RHOJ: variants seen among roughly 807,000 people sequenced by gnomAD.
The protein encoded by RHOJ is rho-related GTP-binding protein RhoJ.
A neutral mutation model predicts 23.4 loss-of-function variants in RHOJ; 11 were observed. That is an observed-to-expected ratio of 0.47 (90% CI 0.30 to 0.78). RHOJ has a LOEUF of 0.78. Among genes scored for constraint, RHOJ ranks in the 30% least tolerant of loss-of-function variants. The pLI is 0.08. For missense variants in RHOJ, 254 were observed against 273.4 expected (o/e 0.93, Z 0.50); for synonymous variants, 102 against 102.7 (o/e 0.99, Z 0.04).
chr14:63,274,439 T>C (rs1025561824), intron 2 of RHOJ, among the ~76,000 whole-genome samples: 4 of 152,140 alleles, frequency 2.6e-5, no homozygotes, highest in African/African-American at 4.8e-5. Flanking sequence ...AAAAGAGAGC[T>C]GTAGGAACAC....
At chr14:63,214,143 A>T (rs1232282562) in intron 1 of RHOJ, among the ~76,000 whole-genome samples, 1 of 152,176 alleles carries the variant, frequency 6.6e-6, no homozygotes, top group Non-Finnish European at 1.5e-5. Context: ...TATTTCCCAG[A>T]CTTGCCTGGC....
chr14:63,283,124 G>C lies in RHOJ; in HGVS notation c.406G>C (p.Asp136His), dbSNP rs971470401. The change falls in exon 4 of 5, where the codon GAT becomes CAT. Residue 136 changes from aspartate (D) to histidine (H), a missense_variant. By Grantham distance (81) the Asp-to-His change is moderately conservative. Transcript: ENST00000316754. ...VPYVLIGTQI[D>H]LRDDPKTLAR... ...TTCACGTGTGTTTTCTTGCCAGATT[G>C]ATCTCCGTGATGACCCAAAAACCTT... The C allele has an allele frequency of 6.2e-7, 1 of 1,613,096 alleles. No homozygotes were observed. Among genetic ancestry groups the C allele is most frequent in the South Asian group, 1.1e-5 (1 of 91,050 alleles).
chr14:63,269,026 C>G, intron 1 of RHOJ, 84 bp from the exon 2 acceptor site: 1 of 925,098 alleles, frequency 1.1e-6, no homozygotes. Context: ...CAAGGAGATG[C>G]TGGCATGGAA....
At chr14:63,283,671 C>A (rs556283481) in intron 4 of RHOJ, among the ~76,000 whole-genome samples, 1 of 152,028 alleles carries the variant, frequency 6.6e-6, no homozygotes, top group South Asian at 2.1e-4. Context: ...TATTTCTCAC[C>A]ATATAATGAA....
chr14:63,214,273 C>A (rs950687346), intron 1 of RHOJ, among the ~76,000 whole-genome samples: 10 of 152,178 alleles, frequency 6.6e-5, no homozygotes, highest in African/African-American at 2.4e-4. Flanking sequence ...ATAGAAATTT[C>A]TAATTAGGTA....
intron 2 of RHOJ, among the ~76,000 whole-genome samples, chr14:63,271,932 C>G (rs746946948): frequency 6.6e-6 from 1 of 152,228 alleles, no homozygotes; most frequent in African/African-American, 2.4e-5. Context: ...TGCTGCTGGT[C>G]CCTACACCAT....
intron 1 of RHOJ, among the ~76,000 whole-genome samples, chr14:63,228,227 G>C (rs779586611): frequency 6.6e-5 from 10 of 152,022 alleles, no homozygotes; most frequent in Admixed American, 3.3e-4. Flanking sequence ...TTCTATTGTT[G>C]GATTATCTTT....
At position 63,278,049 on chromosome 14, in the gene RHOJ, A is replaced by G. The variant is rs1306609214; in HGVS notation, c.238-2922A>G. Reference sequence around the variant, plus strand: ...GATGCAACCCAGTAGACCTGGCACAACTTCCCAGTATGACCAGTGATTATT... The same window carrying G: ...GATGCAACCCAGTAGACCTGGCACAGCTTCCCAGTATGACCAGTGATTATT... On this transcript the variant is annotated intron_variant, in intron 2 of 4. Transcript: ENST00000316754. Among the ~76,000 whole-genome samples the G allele has an allele frequency of 3.9e-5, 6 of 151,990 alleles. No individual in the cohort carries two copies. The East Asian group carries it at 1.2e-3, about 29-fold the overall frequency.
chr14:63,228,592 A>G (rs1427985297), intron 1 of RHOJ, among the ~76,000 whole-genome samples: 2 of 152,146 alleles, frequency 1.3e-5, no homozygotes, highest in African/African-American at 4.8e-5. Flanking sequence ...AAGTCAAACT[A>G]CAGAAAAATG....
At chr14:63,235,535 T>A (rs180808499) in intron 1 of RHOJ, among the ~76,000 whole-genome samples, 75 of 152,318 alleles carry the variant, frequency 4.9e-4, no homozygotes, top group African/African-American at 1.7e-3. Flanking sequence ...GCAAAATATG[T>A]GCATACATAT....
At chr14:63,271,582 C>CTTTTA (rs556505425) in intron 2 of RHOJ, among the ~76,000 whole-genome samples, 103 of 152,226 alleles carry the variant, frequency 6.8e-4, no homozygotes, top group African/African-American at 1.8e-3. Context: ...ATTTGCATTT[C>CTTTTA]TTTTATTTTA....
intron 4 of RHOJ, among the ~76,000 whole-genome samples, chr14:63,290,358 C>A (rs1253546643): frequency 6.6e-6 from 1 of 152,144 alleles, no homozygotes; most frequent in Admixed American, 6.5e-5. Context: ...AAAACCATAT[C>A]ATTCACTCTC....
intron 1 of RHOJ, among the ~76,000 whole-genome samples, chr14:63,223,641 A>G (rs1051941028): frequency 6.6e-6 from 1 of 152,156 alleles, no homozygotes; most frequent in Non-Finnish European, 1.5e-5. Context: ...ACACCCCTGG[A>G]AGAAAAGACA....
chr14:63,277,602 C>T (rs1216349150), intron 2 of RHOJ, among the ~76,000 whole-genome samples: 2 of 152,186 alleles, frequency 1.3e-5, no homozygotes, highest in African/African-American at 2.4e-5. Flanking sequence ...TTGCAGGTCA[C>T]TGTAGAGGTC....
chr14:63,233,485 TAA>T (rs1169099432), intron 1 of RHOJ, among the ~76,000 whole-genome samples: 1 of 152,212 alleles, frequency 6.6e-6, no homozygotes, highest in African/African-American at 2.4e-5. Flanking sequence ...GGGGGAAAAG[TAA>T]AGACAGTAAT....
At chr14:63,286,291 A>G (rs1257414394) in intron 4 of RHOJ, among the ~76,000 whole-genome samples, 1 of 152,226 alleles carries the variant, frequency 6.6e-6, no homozygotes, top group Non-Finnish European at 1.5e-5. Flanking sequence ...TGCCACCTGG[A>G]TAAACACAGT....
chr14:63,240,403 T>A (rs1894863198), intron 1 of RHOJ, among the ~76,000 whole-genome samples: 1 of 152,216 alleles, frequency 6.6e-6, no homozygotes, highest in East Asian at 1.9e-4. Context: ...AATCCCACAT[T>A]TCTTTAGGAA....
intron 1 of RHOJ, among the ~76,000 whole-genome samples, chr14:63,262,748 C>T (rs944325919): frequency 6.6e-6 from 1 of 152,200 alleles, no homozygotes; most frequent in African/African-American, 2.4e-5. Flanking sequence ...TATATCTGCA[C>T]TGTGTATTCA....
At position 63,292,175 on chromosome 14, in the gene RHOJ, A is replaced by T. The variant is rs1882273670; in HGVS notation, c.*1151A>T. 6.6e-6 allele frequency: 1 copy of T among 152,144 alleles called. No individual in the cohort carries two copies. The highest frequency in any genetic ancestry group is 2.4e-5 in the African/African-American group (1 of 41,436). The allele number at this position is 152,144 out of a possible 1,614,324, so 9.4% of individuals were successfully genotyped here. On this transcript the variant is annotated 3_prime_UTR_variant, in exon 5 of 5. Transcript: ENST00000316754. ...TGTAAGTTCTCATTCCATGTAAATG[A>T]CATTTTCCAGTTACAACTGGTACTG...
Sources: gnomAD v4.1 joint callset for allele counts (sites outside exome capture counted in the v4.1 genomes callset) on GRCh38, gnomAD v4.1.1 for gene constraint, MANE v1.5 for transcripts, NCBI Gene and HGNC (gene_info 2026-07-23, HGNC 2026-07-21) for gene names.